Variants in GPHN observed in about 807,000 individuals in gnomAD.
The protein encoded by GPHN is gephyrin.
Under a neutral mutation model 95.5 loss-of-function variants are expected in GPHN, and 17 were observed. The ratio of observed to expected loss-of-function variants is 0.18; its 90% CI spans 0.12 to 0.27. The LOEUF is 0.27. Among genes scored for constraint, GPHN ranks in the 10% least tolerant of loss-of-function variants. The pLI, the probability that GPHN is intolerant of heterozygous loss-of-function variation, is 1.00. For missense variants in GPHN, 660 were observed against 978.1 expected, an observed-to-expected ratio of 0.67 and a Z score of 4.34; for synonymous variants, 320 against 322.5, an observed-to-expected ratio of 0.99 and a Z score of 0.08.
At chr14:67,005,113 T>C (rs984824277) in intron 9 of GPHN, among the ~76,000 whole-genome samples, 2 of 151,348 alleles carry the variant, frequency 1.3e-5, no homozygotes, top group African/African-American at 4.8e-5. Context: ...ATTCACTAAG[T>C]TGAATTTAAG....
At chr14:66,817,391 A>C (rs1164232803) in intron 3 of GPHN, among the ~76,000 whole-genome samples, 1 of 152,168 alleles carries the variant, frequency 6.6e-6, no homozygotes, top group Non-Finnish European at 1.5e-5. Context: ...AACTATTTTG[A>C]AGCTTTTTAT....
At chr14:67,056,447 T>G (rs2075570479) in intron 10 of GPHN, among the ~76,000 whole-genome samples, 1 of 152,086 alleles carries the variant, frequency 6.6e-6, no homozygotes, top group South Asian at 2.1e-4. Flanking sequence ...TTATAATCCT[T>G]TAGCTAGACA....
intron 1 of GPHN, among the ~76,000 whole-genome samples, chr14:66,614,166 G>A (rs901703347): frequency 3.3e-5 from 5 of 152,100 alleles, no homozygotes; most frequent in Non-Finnish European, 7.4e-5. Context: ...CGTAGATAAT[G>A]AAAATAACAT....
chr14:67,619,448 G>A, the GPHN span, among the ~76,000 whole-genome samples: 1 of 152,212 alleles, frequency 6.6e-6, no homozygotes, highest in Non-Finnish European at 1.5e-5. Context: ...GTCTAAGAGT[G>A]TTTCCTGGGC....
chr14:66,757,879 C>T (rs769732135), intron 2 of GPHN, among the ~76,000 whole-genome samples: 6 of 152,222 alleles, frequency 3.9e-5, no homozygotes, highest in Admixed American at 2.0e-4. Context: ...ATTAGGCAGG[C>T]ATGTGGACAC....
At position 66,688,091 on chromosome 14, in the gene GPHN, C is replaced by T. The variant is rs559367360; in HGVS notation, c.143+6906C>T. Among the ~76,000 whole-genome samples, 313 of 152,088 alleles carry T rather than the reference C, an allele frequency of 2.1e-3. 1 individual carries two copies. Among genetic ancestry groups the T allele is most frequent in the Non-Finnish European group, 3.9e-3 (263 of 67,996 alleles). On this transcript the variant is annotated intron_variant, in intron 2 of 22. Transcript: ENST00000478722. ...AGTTGACTAACACATATTTTACATA[C>T]GTATTACATACTGTATTCTTGAAAT... is the stretch of plus-strand genomic sequence containing the variant.
chr14:67,660,411 T>A, the GPHN span, among the ~76,000 whole-genome samples: 4 of 152,090 alleles, frequency 2.6e-5, no homozygotes, highest in Non-Finnish European at 5.9e-5. Context: ...TCTCTATATA[T>A]ATATAAAAAA....
chr14:66,671,467 A>G (rs117165894), intron 1 of GPHN, among the ~76,000 whole-genome samples: 1,945 of 152,346 alleles, frequency 0.013, 26 homozygotes, highest in Middle Eastern at 0.017. Context: ...TTAACTTTCA[A>G]CAGCATAAAA....
At chr14:66,997,386 AAG>A (rs1281869448) in intron 9 of GPHN, among the ~76,000 whole-genome samples, 10 of 143,212 alleles carry the variant, frequency 7.0e-5, no homozygotes, top group Non-Finnish European at 1.3e-4. Context: ...AAAAAAAAAA[AAG>A]GACTTCAGTA....
chr14:66,961,920 A>ATATAT, intron 8 of GPHN, among the ~76,000 whole-genome samples: 1 of 63,492 alleles, frequency 1.6e-5, no homozygotes, highest in African/African-American at 1.2e-4. Flanking sequence ...ATATATATAT[A>ATATAT]TATATATATA....
At chr14:67,242,903 A>C in the GPHN span, among the ~76,000 whole-genome samples, 1 of 152,320 alleles carries the variant, frequency 6.6e-6, no homozygotes, top group African/African-American at 2.4e-5. Context: ...GGGAGAGAAT[A>C]TATAAGTTCT....
At chr14:66,772,125 A>C (rs2059200564) in intron 2 of GPHN, among the ~76,000 whole-genome samples, 1 of 152,132 alleles carries the variant, frequency 6.6e-6, no homozygotes, top group South Asian at 2.1e-4. Context: ...AAAAAAAAAA[A>C]AAGACAGATA....
In GPHN at chr14:66,522,207, A is replaced by G. The variant is rs534298377; in HGVS notation, c.64+13616A>G. On this transcript the variant is annotated intron_variant, in intron 1 of 22. Transcript: ENST00000478722. ...GAGTGGTTCTCTAAAGACATTTTAGAATAGTAATACACACATAATTGAAAT... is the reference window on the plus strand; with the variant it reads ...GAGTGGTTCTCTAAAGACATTTTAGGATAGTAATACACACATAATTGAAAT... Among the ~76,000 whole-genome samples, 43 of 152,300 alleles carry G rather than the reference A, an allele frequency of 2.8e-4. 1 individual carries two copies. The highest frequency in any genetic ancestry group is 1.0e-3 in the African/African-American group (43 of 41,582).
intron 8 of GPHN, among the ~76,000 whole-genome samples, chr14:66,945,703 G>A (rs902095045): frequency 9.2e-5 from 14 of 152,090 alleles, no homozygotes; most frequent in African/African-American, 2.9e-4. Context: ...ATTTGTAAAC[G>A]GCAAATCTTG....
At chr14:67,300,073 TTGAGTTC>T in the GPHN span, among the ~76,000 whole-genome samples, 1 of 152,180 alleles carries the variant, frequency 6.6e-6, no homozygotes, top group Non-Finnish European at 1.5e-5. Flanking sequence ...AAGATTTTAG[TTGAGTTC>T]TTGAAGAAGA....
the GPHN span, among the ~76,000 whole-genome samples, chr14:67,389,768 TTTTTTTC>T: frequency 6.8e-6 from 1 of 147,100 alleles, no homozygotes; most frequent in South Asian, 2.1e-4. Context: ...ACTAAAGTGT[TTTTTTTC>T]TTTTTTTTTT....
intron 1 of GPHN, among the ~76,000 whole-genome samples, chr14:66,614,821 G>T (rs917888953): frequency 6.6e-6 from 1 of 151,974 alleles, no homozygotes; most frequent in Non-Finnish European, 1.5e-5. Context: ...ATGTGCCATG[G>T]TGGTTTGCTG....
At chr14:66,628,895 A>C (rs10148212) in intron 1 of GPHN, among the ~76,000 whole-genome samples, 41,691 of 150,104 alleles carry the variant, frequency 0.28, 10,938 homozygotes, top group African/African-American at 0.66. Context: ...CCTTATCTAT[A>C]CAAAAAAATA....
At chr14:67,284,419 C>T in the GPHN span, among the ~76,000 whole-genome samples, 1 of 98,492 alleles carries the variant, frequency 1.0e-5, no homozygotes, top group South Asian at 3.3e-4. Flanking sequence ...GCAACATAGA[C>T]CCTATCTCTT....
Sources: allele counts gnomAD v4.1 joint callset (sites outside exome capture counted in the v4.1 genomes callset), GRCh38; gene constraint gnomAD v4.1.1; transcripts MANE v1.5; gene names NCBI Gene and HGNC (gene_info 2026-07-23, HGNC 2026-07-21).